AGBL4: variants seen among roughly 807,000 people sequenced by gnomAD.
AGBL4 encodes the protein cytosolic carboxypeptidase 6.
AGBL4 carries 58 observed loss-of-function variants against 66.4 expected under a neutral mutation model. That is an observed-to-expected ratio of 0.87 (90% confidence interval 0.71 to 1.09). The LOEUF (loss-of-function observed/expected upper bound fraction) is 1.09. Ranked by LOEUF, AGBL4 falls within the 50% of genes least tolerant of loss-of-function variation. AGBL4 has a pLI of 0.00. For missense variants in AGBL4, 579 were observed against 631.0 expected (o/e 0.92, Z 0.88); for synonymous variants, 234 against 222.9 (o/e 1.05, Z -0.44).
At chr1:49,922,987 C>CA (rs1652412091) in intron 1 of AGBL4, among the ~76,000 whole-genome samples, 1 of 151,852 alleles carries the variant, frequency 6.6e-6, no homozygotes, top group South Asian at 2.1e-4. Flanking sequence ...CTTAGGGAAC[C>CA]AAAAAAAGAG....
At chr1:49,730,924 T>C (rs1649395909) in intron 2 of AGBL4, among the ~76,000 whole-genome samples, 1 of 152,232 alleles carries the variant, frequency 6.6e-6, no homozygotes. Flanking sequence ...GTAAGTATAC[T>C]GAATATCTTC....
chr1:49,887,211 A>C (rs1462885970), intron 1 of AGBL4, among the ~76,000 whole-genome samples: 1 of 149,600 alleles, frequency 6.7e-6, no homozygotes, highest in Non-Finnish European at 1.5e-5. Flanking sequence ...ATATATATAC[A>C]TTGTGTGTAT....
intron 9 of AGBL4, among the ~76,000 whole-genome samples, chr1:48,614,250 G>GA (rs548244279): frequency 3.9e-4 from 59 of 151,834 alleles, no homozygotes; most frequent in Admixed American, 1.2e-3. Context: ...AGATGCTAAG[G>GA]AAAAAAAAGG....
intron 4 of AGBL4, among the ~76,000 whole-genome samples, chr1:49,127,233 T>C (rs973882775): frequency 6.6e-6 from 1 of 152,122 alleles, no homozygotes; most frequent in Non-Finnish European, 1.5e-5. Context: ...GACCCAAGCA[T>C]AGCTTGATGG....
intron 1 of AGBL4, among the ~76,000 whole-genome samples, chr1:50,003,013 C>T (rs906679593): frequency 6.6e-6 from 1 of 152,152 alleles, no homozygotes; most frequent in East Asian, 1.9e-4. Context: ...AGGAAGCTAA[C>T]GTGGAGGAAA....
intron 3 of AGBL4, among the ~76,000 whole-genome samples, chr1:49,342,582 T>C (rs927849816): frequency 5.3e-5 from 8 of 152,172 alleles, no homozygotes. Context: ...CTAAAAGTTA[T>C]CTTGAGCAGT....
rs181991365 is a variant in AGBL4 at position 48,707,149 on chromosome 1, C to A, written c.635-43908G>T. On this transcript the variant is annotated intron_variant, in intron 6 of 13. Transcript: ENST00000371839. ...TCTTTACTAAAAATACAAAAATTAG[C>A]TGGGCATGATGGAGAGTGCCTCTAG... 1.7e-3 allele frequency among the ~76,000 whole-genome samples: 266 copies of A among 152,178 alleles called. 2 individuals carry two copies. Among genetic ancestry groups the A allele is most frequent in the African/African-American group, 6.1e-3 (255 of 41,518 alleles).
At chr1:49,360,563 A>G (rs1644115789) in intron 3 of AGBL4, among the ~76,000 whole-genome samples, 1 of 152,204 alleles carries the variant, frequency 6.6e-6, no homozygotes, top group Non-Finnish European at 1.5e-5. Flanking sequence ...AGTTTTCTAA[A>G]AGGCAGCATG....
intron 1 of AGBL4, among the ~76,000 whole-genome samples, chr1:50,019,409 A>G (rs1662278893): frequency 6.6e-6 from 1 of 151,466 alleles, no homozygotes; most frequent in Non-Finnish European, 1.5e-5. Context: ...TCCATAACTT[A>G]TCTCTAATTT....
At chr1:48,725,047 C>A (rs897768313) in intron 6 of AGBL4, among the ~76,000 whole-genome samples, 60 of 152,258 alleles carry the variant, frequency 3.9e-4, no homozygotes, top group African/African-American at 1.4e-3. Context: ...AGCTGAACAG[C>A]ATTTGGTGGC....
At chr1:48,624,911 TGTGTGTGTGTGC>T (rs1403402614) in intron 9 of AGBL4, among the ~76,000 whole-genome samples, 3 of 152,018 alleles carry the variant, frequency 2.0e-5, no homozygotes, top group African/African-American at 7.3e-5. Flanking sequence ...TGTGTGTGTG[TGTGTGTGTGTGC>T]ACGTGACAGT....
At chr1:49,569,697 A>G (rs1644288040) in intron 3 of AGBL4, among the ~76,000 whole-genome samples, 1 of 152,118 alleles carries the variant, frequency 6.6e-6, no homozygotes, top group Non-Finnish European at 1.5e-5. Flanking sequence ...AATAATGTAC[A>G]TTGCACACAA....
At chr1:49,557,148 G>A (rs1643922901) in intron 3 of AGBL4, among the ~76,000 whole-genome samples, 1 of 152,042 alleles carries the variant, frequency 6.6e-6, no homozygotes, top group Admixed American at 6.6e-5. Flanking sequence ...GCCCAGAGAA[G>A]GTCTCCCACA....
intron 3 of AGBL4, among the ~76,000 whole-genome samples, chr1:49,578,067 A>G (rs1279799604): frequency 6.6e-5 from 10 of 152,114 alleles, no homozygotes; most frequent in Non-Finnish European, 1.5e-5. Context: ...AGAGGGAGGA[A>G]CGCTGCCACC....
At chr1:49,531,910 A>C (rs185297412) in intron 3 of AGBL4, among the ~76,000 whole-genome samples, 1 of 152,234 alleles carries the variant, frequency 6.6e-6, no homozygotes, top group East Asian at 1.9e-4. Flanking sequence ...AAAGAAAACT[A>C]TACACATATG....
intron 2 of AGBL4, among the ~76,000 whole-genome samples, chr1:49,843,143 A>G (rs1646043390): frequency 6.6e-6 from 1 of 152,114 alleles, no homozygotes; most frequent in Non-Finnish European, 1.5e-5. Context: ...CCACATCAAT[A>G]ACAGACGGGG....
intron 6 of AGBL4, among the ~76,000 whole-genome samples, chr1:48,837,590 G>C (rs1266379500): frequency 6.6e-6 from 1 of 151,006 alleles, no homozygotes; most frequent in Non-Finnish European, 1.5e-5. Context: ...ACTGGGACTG[G>C]CTTCCTTGCT....
chr1:48,702,753 A>G (rs1433742367), intron 6 of AGBL4, among the ~76,000 whole-genome samples: 1 of 152,206 alleles, frequency 6.6e-6, no homozygotes, highest in Non-Finnish European at 1.5e-5. Flanking sequence ...TGCATGCTGC[A>G]GGGAAGGAGG....
chr1:49,161,407 A>T (rs561134151), intron 4 of AGBL4, among the ~76,000 whole-genome samples: 2 of 152,124 alleles, frequency 1.3e-5, no homozygotes, highest in African/African-American at 4.8e-5. Flanking sequence ...TCCCAATGAG[A>T]TGAACTGGTT....
Sources: gnomAD v4.1 joint callset for allele counts (sites outside exome capture counted in the v4.1 genomes callset) on GRCh38, gnomAD v4.1.1 for gene constraint, MANE v1.5 for transcripts, NCBI Gene and HGNC (gene_info 2026-07-23, HGNC 2026-07-21) for gene names.